The following KIAA1217 variants were observed in gnomAD, a reference collection of about 807,000 sequenced individuals.
KIAA1217 encodes KIAA1217.
Under a neutral mutation model 163.9 loss-of-function variants are expected in KIAA1217, and 88 were observed. The ratio of observed to expected loss-of-function variants is 0.54; its 90% CI spans 0.45 to 0.64. The LOEUF is 0.64. KIAA1217 is among the 30% of genes least tolerant of loss of function. The pLI is 0.00. For synonymous variants in KIAA1217, 903 were observed against 923.1 expected (o/e 0.98, Z 0.39); for missense variants, 2,372 against 2,475.0 (o/e 0.96, Z 0.88).
At chr10:23,739,197 A>G (rs1358270561) in intron 1 of KIAA1217, among the ~76,000 whole-genome samples, 2 of 152,186 alleles carry the variant, frequency 1.3e-5, no homozygotes, top group African/African-American at 4.8e-5. Flanking sequence ...GAACTAAACA[A>G]TGTGTACACA....
intron 2 of KIAA1217, among the ~76,000 whole-genome samples, chr10:24,330,696 ACCT>A (rs1158658539): frequency 6.6e-6 from 1 of 151,908 alleles, no homozygotes; most frequent in Admixed American, 6.6e-5. Context: ...GCTCACTGTA[ACCT>A]CCTCCTACCA....
At chr10:23,788,252 G>A (rs1462466117) in intron 1 of KIAA1217, among the ~76,000 whole-genome samples, 1 of 152,156 alleles carries the variant, frequency 6.6e-6, no homozygotes, top group Non-Finnish European at 1.5e-5. Flanking sequence ...TTTGAGAAAA[G>A]TTAAGATTCT....
chr10:23,702,381 C>T (rs901237970), intron 1 of KIAA1217, among the ~76,000 whole-genome samples: 2 of 152,014 alleles, frequency 1.3e-5, no homozygotes, highest in South Asian at 4.1e-4. Context: ...ACATTTTATT[C>T]TGAACACTCT....
chr10:24,504,055 G>A (rs943233581), intron 9 of KIAA1217, among the ~76,000 whole-genome samples: 4 of 152,276 alleles, frequency 2.6e-5, no homozygotes, highest in South Asian at 2.1e-4. Flanking sequence ...TAGCTACAGC[G>A]TCACCCCATC....
At chr10:24,047,692 T>A (rs577562551) in intron 2 of KIAA1217, among the ~76,000 whole-genome samples, 2 of 152,344 alleles carry the variant, frequency 1.3e-5, no homozygotes, top group Admixed American at 1.3e-4. Flanking sequence ...CATCTCCTTT[T>A]CTATAGCACA....
intron 2 of KIAA1217, among the ~76,000 whole-genome samples, chr10:24,239,824 C>T (rs982834287): frequency 8.6e-5 from 13 of 151,862 alleles, no homozygotes; most frequent in Admixed American, 7.2e-4. Context: ...CAGAAATAAT[C>T]TTTGAATCAG....
At chr10:24,198,806 G>C (rs775555937) in intron 2 of KIAA1217, among the ~76,000 whole-genome samples, 1 of 152,066 alleles carries the variant, frequency 6.6e-6, no homozygotes, top group Non-Finnish European at 1.5e-5. Flanking sequence ...GGCAAACTGG[G>C]GCTTAATAGT....
intron 1 of KIAA1217, among the ~76,000 whole-genome samples, chr10:23,762,282 A>G (rs1242778269): frequency 6.6e-5 from 10 of 151,672 alleles, no homozygotes; most frequent in African/African-American, 2.4e-4. Flanking sequence ...AGCCAACATC[A>G]TCCTGATACC....
chr10:24,438,708 A>G (rs983124246), intron 5 of KIAA1217, among the ~76,000 whole-genome samples: 1 of 152,212 alleles, frequency 6.6e-6, no homozygotes, highest in African/African-American at 2.4e-5. Flanking sequence ...ATCTTTAAGC[A>G]AGGAGTTATG....
chr10:24,313,843 G>GTTTTTTTTTT (rs35876174), intron 2 of KIAA1217, among the ~76,000 whole-genome samples: 2 of 113,430 alleles, frequency 1.8e-5, no homozygotes, highest in African/African-American at 3.2e-5. Context: ...CCATCTGGTT[G>GTTTTTTTTTT]TTTTTTTTTT....
chr10:23,980,971 T>G (rs1362221030), intron 1 of KIAA1217, among the ~76,000 whole-genome samples: 1 of 152,232 alleles, frequency 6.6e-6, no homozygotes, highest in African/African-American at 2.4e-5. Context: ...TCATTTGTCT[T>G]CTCAACATTA....
intron 2 of KIAA1217, among the ~76,000 whole-genome samples, chr10:24,230,942 G>A (rs2071322744): frequency 6.6e-6 from 1 of 152,118 alleles, no homozygotes; most frequent in African/African-American, 2.4e-5. Context: ...TCTTCCTGTG[G>A]GAGCCTTGCT....
intron 1 of KIAA1217, among the ~76,000 whole-genome samples, chr10:23,708,886 A>G (rs1647081953): frequency 6.6e-6 from 1 of 152,124 alleles, no homozygotes; most frequent in African/African-American, 2.4e-5. Flanking sequence ...TGAAGTGGTG[A>G]GAAGTGGACA....
In KIAA1217 at chr10:24,223,679, C is replaced by T. The variant is rs542135363; in HGVS notation, c.354+3770C>T. Among the ~76,000 whole-genome samples, 9 of 150,736 alleles carry T rather than the reference C, an allele frequency of 6.0e-5. No individual in the cohort carries two copies. In the South Asian group the frequency reaches 1.7e-3, roughly 28 times the overall value. On this transcript the variant is annotated intron_variant, in intron 2 of 20. Transcript: ENST00000376454. Reference sequence around the variant, plus strand: ...AAGATGTTGAAAGTGATGTATCTGCCGTCTAACATGAAATCTCTTAAAATC... The same window carrying T: ...AAGATGTTGAAAGTGATGTATCTGCTGTCTAACATGAAATCTCTTAAAATC...
chr10:24,311,901 G>T (rs2042747726), intron 2 of KIAA1217, among the ~76,000 whole-genome samples: 1 of 152,140 alleles, frequency 6.6e-6, no homozygotes, highest in African/African-American at 2.4e-5. Context: ...AACTGAGAGG[G>T]CAAGAGTATA....
intron 2 of KIAA1217, among the ~76,000 whole-genome samples, chr10:24,376,014 AT>A (rs1424570009): frequency 6.6e-6 from 1 of 152,230 alleles, no homozygotes; most frequent in Non-Finnish European, 1.5e-5. Flanking sequence ...TCCAAATCCA[AT>A]AGCATTGCAA....
chr10:23,796,237 C>T (rs1836196093), intron 1 of KIAA1217, among the ~76,000 whole-genome samples: 1 of 152,166 alleles, frequency 6.6e-6, no homozygotes, highest in Non-Finnish European at 1.5e-5. Flanking sequence ...TTGACCCTGA[C>T]CCTCTAAATG....
At chr10:24,288,643 A>G (rs745892244) in intron 2 of KIAA1217, among the ~76,000 whole-genome samples, 3 of 152,224 alleles carry the variant, frequency 2.0e-5, no homozygotes, top group Non-Finnish European at 4.4e-5. Context: ...GAACAAAAGG[A>G]TAAGAGGCAG....
chr10:24,058,411 A>G (rs569705803), intron 2 of KIAA1217, among the ~76,000 whole-genome samples: 2 of 152,136 alleles, frequency 1.3e-5, no homozygotes, highest in South Asian at 4.1e-4. Context: ...ATAGAGTTGT[A>G]TCTTCTACTT....
Sources: gnomAD v4.1 joint callset for allele counts (sites outside exome capture counted in the v4.1 genomes callset) on GRCh38, gnomAD v4.1.1 for gene constraint, MANE v1.5 for transcripts, NCBI Gene and HGNC (gene_info 2026-07-23, HGNC 2026-07-21) for gene names.